Variants in PRIM2 observed in about 807,000 individuals in gnomAD.
PRIM2 encodes the protein DNA primase subunit 2.
In PRIM2, 39 loss-of-function variants were observed where a neutral mutation model predicts 67.3. The ratio of observed to expected loss-of-function variants is 0.58; its 90% CI spans 0.45 to 0.76. The LOEUF (loss-of-function observed/expected upper bound fraction) is 0.76, where lower values mean the gene tolerates loss of function less well. Among genes scored for constraint, PRIM2 ranks in the 30% least tolerant of loss-of-function variants. PRIM2 has a pLI of 0.00. For missense variants in PRIM2, 398 were observed against 598.7 expected (o/e 0.66, Z 3.50); for synonymous variants, 143 against 198.7 (o/e 0.72, Z 2.36).
chr6:57,405,961 G>A (rs1183500887), intron 7 of PRIM2, among the ~76,000 whole-genome samples: 3 of 152,362 alleles, frequency 2.0e-5, no homozygotes, highest in Middle Eastern at 3.4e-3. Context: ...TCAGTTCAGA[G>A]TAAGCAGGGA....
the PRIM2 span, among the ~76,000 whole-genome samples, chr6:57,289,194 A>G: frequency 6.6e-6 from 1 of 152,218 alleles, no homozygotes; most frequent in African/African-American, 2.4e-5. Context: ...CAAGTGGAAG[A>G]AAGGATATCA....
chr6:57,350,430 A>G (rs538810344), intron 5 of PRIM2, among the ~76,000 whole-genome samples: 1 of 152,340 alleles, frequency 6.6e-6, no homozygotes, highest in South Asian at 2.1e-4. Context: ...GAGAAATCTC[A>G]CATATCATAA....
At chr6:57,616,008 G>A (rs1317000417) in intron 12 of PRIM2, among the ~76,000 whole-genome samples, 7 of 152,152 alleles carry the variant, frequency 4.6e-5, no homozygotes, top group Non-Finnish European at 8.8e-5. Context: ...AACAATAATT[G>A]CTGCCTACAG....
chr6:57,492,542 T>TAAAA (rs1446103302), intron 7 of PRIM2, among the ~76,000 whole-genome samples: 1 of 146,924 alleles, frequency 6.8e-6, no homozygotes, highest in Non-Finnish European at 1.5e-5. Flanking sequence ...GAACTCTCTC[T>TAAAA]AAAAAAAAAA....
chr6:57,363,701 T>C (rs1177753213), intron 5 of PRIM2, among the ~76,000 whole-genome samples: 12 of 152,184 alleles, frequency 7.9e-5, no homozygotes, highest in Admixed American at 6.5e-4. Flanking sequence ...TAATTTACTT[T>C]TGTTTGATTT....
chr6:57,574,626 T>C (rs1482204100), intron 10 of PRIM2, among the ~76,000 whole-genome samples: 2 of 151,166 alleles, frequency 1.3e-5, no homozygotes, highest in Non-Finnish European at 2.9e-5. Context: ...CCACCAACAA[T>C]ATTTAGTGTG....
chr6:57,386,116 T>C (rs550755370), intron 7 of PRIM2, among the ~76,000 whole-genome samples: 1 of 151,570 alleles, frequency 6.6e-6, no homozygotes, highest in African/African-American at 2.4e-5. Context: ...CTGAGTGGGG[T>C]GGCTCACACC....
chr6:57,601,920 A>G (rs1268122776), intron 11 of PRIM2, among the ~76,000 whole-genome samples: 1 of 152,228 alleles, frequency 6.6e-6, no homozygotes, highest in African/African-American at 2.4e-5. Context: ...TCAAATAATC[A>G]TAAACAATAT....
chr6:57,332,873 A>G (rs1393994437), intron 5 of PRIM2, among the ~76,000 whole-genome samples: 1 of 151,974 alleles, frequency 6.6e-6, no homozygotes, highest in Non-Finnish European at 1.5e-5. Context: ...TTTATGTTTA[A>G]TTACTGATAA....
intron 7 of PRIM2, among the ~76,000 whole-genome samples, chr6:57,456,419 A>T (rs1354955337): frequency 6.6e-6 from 1 of 152,142 alleles, no homozygotes; most frequent in Admixed American, 6.5e-5. Flanking sequence ...ACTTTCAGGT[A>T]CACCAATCAC....
At position 57,326,227 on chromosome 6, in the gene PRIM2, C is replaced by G. The variant is rs1259644612; in HGVS notation, c.459+182C>G. On this transcript the variant is annotated intron_variant, in intron 5 of 13. Coordinates refer to ENST00000615550, the MANE Select transcript of PRIM2 (RefSeq NM_000947.5). ...CTTCTCTATGACTAGAAGAAAAGGA[C>G]TCCTTAATAACAAAGTCTCACACTT... The G allele has an allele frequency of 8.4e-6, 4 of 475,370 alleles. No homozygotes were observed. The East Asian group carries it at 1.1e-4, about 13-fold the overall frequency. 29.4% of individuals were successfully genotyped at this position (475,370 alleles called of 1,614,324 possible).
At chr6:57,546,407 C>T (rs1289028543) in intron 10 of PRIM2, among the ~76,000 whole-genome samples, 2 of 151,914 alleles carry the variant, frequency 1.3e-5, no homozygotes, top group African/African-American at 2.4e-5. Flanking sequence ...GTGTTAGAGA[C>T]CAATCTAGAA....
At chr6:57,243,727 G>A in the PRIM2 span, among the ~76,000 whole-genome samples, 56 of 152,202 alleles carry the variant, frequency 3.7e-4, 2 homozygotes, top group South Asian at 0.011. Context: ...ATCCCGCCTC[G>A]GCCTCCCGAA....
intron 5 of PRIM2, among the ~76,000 whole-genome samples, chr6:57,339,889 C>G (rs1282377329): frequency 6.6e-6 from 1 of 150,580 alleles, no homozygotes; most frequent in Non-Finnish European, 1.5e-5. Context: ...TTCTGCACAG[C>G]AAAAGAAACT....
At chr6:57,365,495 T>G (rs1479134971) in intron 5 of PRIM2, among the ~76,000 whole-genome samples, 2 of 152,188 alleles carry the variant, frequency 1.3e-5, no homozygotes, top group African/African-American at 4.8e-5. Flanking sequence ...GATGAATTTA[T>G]TTTATTACAT....
chr6:57,389,673 ATTAT>A (rs1165251281), intron 7 of PRIM2, among the ~76,000 whole-genome samples: 1 of 152,194 alleles, frequency 6.6e-6, no homozygotes, highest in Non-Finnish European at 1.5e-5. Context: ...TGGCTCACTA[ATTAT>A]TTGTTCGTTT....
At chr6:57,464,437 G>C (rs181465429) in intron 7 of PRIM2, among the ~76,000 whole-genome samples, 1 of 151,836 alleles carries the variant, frequency 6.6e-6, no homozygotes, top group Non-Finnish European at 1.5e-5. Flanking sequence ...GCCACCACAC[G>C]TGGCTAATTT....
the PRIM2 span, among the ~76,000 whole-genome samples, chr6:57,230,100 C>T: frequency 6.6e-6 from 1 of 152,234 alleles, no homozygotes; most frequent in Non-Finnish European, 1.5e-5. Context: ...ACATAGGTAG[C>T]ATAAATTCAG....
At chr6:57,224,228 G>A in the PRIM2 span, among the ~76,000 whole-genome samples, 2 of 152,204 alleles carry the variant, frequency 1.3e-5, no homozygotes, top group Middle Eastern at 3.2e-3. Flanking sequence ...TTGAATCCAG[G>A]AGTTCAAGAC....
Sources: gnomAD v4.1 joint callset for allele counts (sites outside exome capture counted in the v4.1 genomes callset) on GRCh38, gnomAD v4.1.1 for gene constraint, MANE v1.5 for transcripts, NCBI Gene and HGNC (gene_info 2026-07-23, HGNC 2026-07-21) for gene names.